The following PAPPA2 variants were observed in gnomAD, a reference collection of about 807,000 sequenced individuals.
The protein encoded by PAPPA2 is pappalysin-2.
A neutral mutation model predicts 176.4 loss-of-function variants in PAPPA2; 86 were observed. That is an observed-to-expected ratio of 0.49 (90% CI 0.41 to 0.58). The LOEUF (loss-of-function observed/expected upper bound fraction) is 0.58. Among genes scored for constraint, PAPPA2 ranks in the 20% least tolerant of loss-of-function variants. PAPPA2 has a pLI of 0.00. For missense variants in PAPPA2, 2,073 were observed against 2,256.9 expected (o/e 0.92, Z 1.65); for synonymous variants, 809 against 852.2 (o/e 0.95, Z 0.88).
At chr1:176,464,111 A>G (rs1041908118) in intron 1 of PAPPA2, among the ~76,000 whole-genome samples, 1 of 152,250 alleles carries the variant, frequency 6.6e-6, no homozygotes, top group Non-Finnish European at 1.5e-5. Context: ...ACTATGATCT[A>G]ACAGATACAT....
In PAPPA2 at chr1:176,770,033, G is replaced by C. The variant is rs539311696; in HGVS notation, c.4501+249G>C. Among the ~76,000 whole-genome samples the C allele has an allele frequency of 3.3e-5, 5 of 152,350 alleles. No homozygotes were observed. The South Asian group carries it at 8.3e-4, about 25-fold the overall frequency. On this transcript the variant is annotated intron_variant, in intron 16 of 22. Transcript: ENST00000367662. Reference sequence around the variant, plus strand: ...GACTTTCCTCTATTTTTATTTGACAGTGTGTACCCCAGAGGCAAGCCTACT... The same window carrying C: ...GACTTTCCTCTATTTTTATTTGACACTGTGTACCCCAGAGGCAAGCCTACT...
intron 3 of PAPPA2, among the ~76,000 whole-genome samples, chr1:176,596,748 C>T (rs1028180013): frequency 6.6e-6 from 1 of 152,146 alleles, no homozygotes; most frequent in Non-Finnish European, 1.5e-5. Context: ...ATAAATGGAT[C>T]TGGTGTGTCT....
rs138667434 is a variant in PAPPA2 at position 176,724,538 on chromosome 1, G to A, written c.3798+12557G>A. 2.1e-3 allele frequency among the ~76,000 whole-genome samples: 323 copies of A among 152,208 alleles called. 3 individuals are homozygous for A. The highest frequency in any genetic ancestry group is 7.6e-3 in the African/African-American group (316 of 41,530). The stretch of plus-strand genomic sequence containing the variant: ...ATTTGGAATGGTCTCGTTCAGGCTG[G>A]ACTGGTTAGCAATCCCAACAGCAAC... On this transcript the variant is annotated intron_variant, in intron 12 of 22. Transcript: ENST00000367662.
At chr1:176,732,054 CA>C (rs1361819241) in intron 12 of PAPPA2, among the ~76,000 whole-genome samples, 1 of 152,108 alleles carries the variant, frequency 6.6e-6, no homozygotes, top group Non-Finnish European at 1.5e-5. Flanking sequence ...ATCACTTATT[CA>C]GAGATGACTT....
At chr1:176,718,867 G>A (rs1558540369) in intron 12 of PAPPA2, among the ~76,000 whole-genome samples, 1 of 151,946 alleles carries the variant, frequency 6.6e-6, no homozygotes, top group Non-Finnish European at 1.5e-5. Context: ...GCAATTGTTG[G>A]ATAAAGCATT....
At chr1:176,743,521 G>T (rs113326613) in intron 14 of PAPPA2, among the ~76,000 whole-genome samples, 1 of 152,142 alleles carries the variant, frequency 6.6e-6, no homozygotes, top group Non-Finnish European at 1.5e-5. Context: ...TTTAGGGATA[G>T]GTTCTGCACA....
At chr1:176,576,901 G>T (rs1652681274) in intron 2 of PAPPA2, among the ~76,000 whole-genome samples, 1 of 151,952 alleles carries the variant, frequency 6.6e-6, no homozygotes, top group African/African-American at 2.4e-5. Flanking sequence ...AGAAAATGTT[G>T]CTAAATCAGA....
chr1:176,769,279 G>A (rs761268478), intron 15 of PAPPA2, among the ~76,000 whole-genome samples: 5 of 152,152 alleles, frequency 3.3e-5, no homozygotes, highest in Non-Finnish European at 7.3e-5. Flanking sequence ...GAAACCCACT[G>A]GAGTCAGTTT....
chr1:176,542,195 T>C (rs1187243912), intron 1 of PAPPA2, among the ~76,000 whole-genome samples: 1 of 152,156 alleles, frequency 6.6e-6, no homozygotes, highest in Non-Finnish European at 1.5e-5. Flanking sequence ...TATGTTTGGA[T>C]TTTCAAAACC....
In PAPPA2 at chr1:176,695,254, T is replaced by C. The variant is rs546566208; in HGVS notation, c.2625-484T>C. 1.5e-4 allele frequency among the ~76,000 whole-genome samples: 23 copies of C among 152,290 alleles called. 1 individual carries two copies. The highest frequency in any genetic ancestry group is 5.1e-4 in the African/African-American group (21 of 41,572). On this transcript the variant is annotated intron_variant, in intron 6 of 22. Coordinates refer to ENST00000367662, the MANE Select transcript of PAPPA2 (RefSeq NM_020318.3). ...CAATGGTGAGCCAAGAGACATTACA[T>C]TTCACCTGACTTTTATTTTATGTAA...
chr1:176,502,151 C>T (rs1457715343), intron 1 of PAPPA2, among the ~76,000 whole-genome samples: 1 of 152,194 alleles, frequency 6.6e-6, no homozygotes, highest in Non-Finnish European at 1.5e-5. Context: ...ATCCTCCAGA[C>T]ATCTGATTCA....
intron 2 of PAPPA2, among the ~76,000 whole-genome samples, chr1:176,571,688 G>C (rs1029916284): frequency 6.6e-6 from 1 of 152,154 alleles, no homozygotes; most frequent in Non-Finnish European, 1.5e-5. Context: ...ATATCAATGT[G>C]ATATAACTTA....
At chr1:176,664,663 C>T (rs1311632518) in intron 3 of PAPPA2, among the ~76,000 whole-genome samples, 2 of 152,204 alleles carry the variant, frequency 1.3e-5, no homozygotes, top group Non-Finnish European at 1.5e-5. Flanking sequence ...TGACACTAGA[C>T]TTTAAGTCCT....
intron 3 of PAPPA2, among the ~76,000 whole-genome samples, chr1:176,668,512 T>C (rs1050147666): frequency 6.6e-6 from 1 of 152,222 alleles, no homozygotes; most frequent in African/African-American, 2.4e-5. Context: ...CCATTTTTTT[T>C]CCTCATCCTA....
chr1:176,602,231 C>T (rs1220299601), intron 3 of PAPPA2, among the ~76,000 whole-genome samples: 1 of 152,100 alleles, frequency 6.6e-6, no homozygotes, highest in Non-Finnish European at 1.5e-5. Context: ...TGCCTCATTC[C>T]CTGAGGTTTC....
At chr1:176,797,056 C>G (rs1665474692) in intron 20 of PAPPA2, among the ~76,000 whole-genome samples, 1 of 152,134 alleles carries the variant, frequency 6.6e-6, no homozygotes, top group Admixed American at 6.6e-5. Flanking sequence ...CATTTAGATA[C>G]TGGAACTCAA....
intron 3 of PAPPA2, among the ~76,000 whole-genome samples, chr1:176,641,064 G>C (rs1225576551): frequency 1.2e-4 from 18 of 149,418 alleles, no homozygotes; most frequent in African/African-American, 2.4e-4. Flanking sequence ...AAATTTGTTT[G>C]AGTTCATTGT....
chr1:176,702,400 A>C (rs565096884), intron 8 of PAPPA2, among the ~76,000 whole-genome samples: 3 of 152,382 alleles, frequency 2.0e-5, no homozygotes, highest in East Asian at 3.9e-4. Flanking sequence ...TGTGCAACGC[A>C]CAGGGGATAC....
rs111527752 is a variant in PAPPA2 at position 176,760,793 on chromosome 1, C to A, written c.4152-4873C>A. 7.1e-3 allele frequency among the ~76,000 whole-genome samples: 1,078 copies of A among 152,206 alleles called. 5 individuals are homozygous for A. Among genetic ancestry groups the A allele is most frequent in the Non-Finnish European group, 0.011 (759 of 67,978 alleles). The stretch of plus-strand genomic sequence containing the variant: ...ACATTTTGAACAAAAATTCCTCAAT[C>A]AAAAGCATGGTTTTTTTGTTTTTGT... On this transcript the variant is annotated intron_variant, in intron 14 of 22. Coordinates refer to ENST00000367662, the MANE Select transcript of PAPPA2 (RefSeq NM_020318.3).
Sources: gnomAD v4.1 joint callset for allele counts (sites outside exome capture counted in the v4.1 genomes callset) on GRCh38, gnomAD v4.1.1 for gene constraint, MANE v1.5 for transcripts, NCBI Gene and HGNC (gene_info 2026-07-23, HGNC 2026-07-21) for gene names.